The following CCNJ variants were observed in gnomAD, a reference collection of about 807,000 sequenced individuals.
The protein encoded by CCNJ is cyclin J.
A neutral mutation model predicts 41.4 loss-of-function variants in CCNJ; 12 were observed. That is an observed-to-expected ratio of 0.29 (90% confidence interval 0.19 to 0.47). The LOEUF (loss-of-function observed/expected upper bound fraction) is 0.47, where lower values mean the gene tolerates loss of function less well. Ranked by LOEUF, CCNJ falls within the 20% of genes least tolerant of loss-of-function variation. The pLI is 1.00. For missense variants in CCNJ, 340 were observed against 464.6 expected (o/e 0.73, Z 2.47); for synonymous variants, 161 against 173.4 (o/e 0.93, Z 0.56).
At position 96,060,614 on chromosome 10, in the gene CCNJ, T is replaced by C. The variant is rs542312603; in HGVS notation, c.*2373T>C. On this transcript the variant is annotated 3_prime_UTR_variant, in exon 6 of 6. Transcript: ENST00000465148. ...TTGTTTTGTTTAATTTATTGATTAGTCTTTAAAGTAGGCTTTTTTTTTTTT... is the reference window on the plus strand; with the variant it reads ...TTGTTTTGTTTAATTTATTGATTAGCCTTTAAAGTAGGCTTTTTTTTTTTT... The C allele has an allele frequency of 6.9e-6, 1 of 144,882 alleles. No individual in the cohort carries two copies. The highest frequency in any genetic ancestry group is 2.3e-4 in the South Asian group (1 of 4,392). The allele number at this position is 144,882 out of a possible 1,614,324, so 9.0% of individuals were successfully genotyped here. A position where few individuals can be genotyped will look rare whatever the true frequency, so the allele number is the denominator to read the frequency against.
At chr10:96,045,520 T>C (rs2080338060) in intron 2 of CCNJ, among the ~76,000 whole-genome samples, 1 of 152,200 alleles carries the variant, frequency 6.6e-6, no homozygotes, top group Non-Finnish European at 1.5e-5. Flanking sequence ...TAAATGCTAC[T>C]TAACTAATTC....
At chr10:96,046,055 T>C (rs2080354356) in intron 2 of CCNJ, among the ~76,000 whole-genome samples, 1 of 152,242 alleles carries the variant, frequency 6.6e-6, no homozygotes, top group African/African-American at 2.4e-5. Flanking sequence ...ATTTTGTCAA[T>C]TGAGTTTGGA....
intron 2 of CCNJ, among the ~76,000 whole-genome samples, chr10:96,050,041 T>G (rs921152444): frequency 6.6e-6 from 1 of 152,204 alleles, no homozygotes; most frequent in Non-Finnish European, 1.5e-5. Flanking sequence ...CTATAATTGT[T>G]CACATCAGAA....
At chr10:96,045,229 T>C (rs137918965) in intron 2 of CCNJ, among the ~76,000 whole-genome samples, 28 of 152,354 alleles carry the variant, frequency 1.8e-4, no homozygotes, top group Non-Finnish European at 3.8e-4. Flanking sequence ...CAAGGCAGAT[T>C]AATGAGACAT....
chr10:96,047,975 CCCG>C (rs1387785505), intron 2 of CCNJ, among the ~76,000 whole-genome samples: 1 of 146,852 alleles, frequency 6.8e-6, no homozygotes, highest in Non-Finnish European at 1.5e-5. Context: ...TGTGTTGTTC[CCCG>C]CAACATGTGT....
At chr10:96,044,489 T>C in intron 2 of CCNJ, 27 bp downstream of exon 2, 1 of 1,455,506 alleles carries the variant, frequency 6.9e-7, no homozygotes, top group Non-Finnish European at 9.2e-7. Context: ...GCCTGCCTTC[T>C]CCTTCTGTGT....
chr10:96,050,144 T>G, intron 2 of CCNJ, 112 bp from the exon 3 acceptor site: 1 of 756,852 alleles, frequency 1.3e-6, no homozygotes. Context: ...TCAAGAAAAG[T>G]ATGTTTTAGG....
chr10:96,058,247 T>G lies in CCNJ; in HGVS notation c.*6T>G. The G allele has an allele frequency of 6.2e-7, 1 of 1,606,540 alleles. No individual in the cohort carries two copies. Among genetic ancestry groups the G allele is most frequent in the Non-Finnish European group, 8.5e-7 (1 of 1,174,778 alleles). On this transcript the variant is annotated 3_prime_UTR_variant, in exon 6 of 6. Transcript: ENST00000465148. ...CTCCATGTTTTGAAAGGTGATTATT[T>G]GTGAAGCTGATAACCGACCCAGACT...
At chr10:96,046,536 A>ATTC (rs1409775092) in intron 2 of CCNJ, among the ~76,000 whole-genome samples, 1 of 152,226 alleles carries the variant, frequency 6.6e-6, no homozygotes, top group Non-Finnish European at 1.5e-5. Flanking sequence ...GCCAGGTGTT[A>ATTC]GAGCAATAAC....
chr10:96,051,701 T>C (rs1471416491), intron 3 of CCNJ, among the ~76,000 whole-genome samples: 1 of 152,202 alleles, frequency 6.6e-6, no homozygotes, highest in African/African-American at 2.4e-5. Context: ...TGCTTATAAA[T>C]CTAAAACCAA....
Position 96,058,074 on chromosome 10 carries a change from C to A in CCNJ, c.985C>A (p.Pro329Thr). Residue 329 changes from proline (P) to threonine (T), a missense_variant, in exon 6 of 6, where the codon CCT becomes ACT. By Grantham distance (38) the Pro-to-Thr change is conservative. Coordinates refer to ENST00000465148, the MANE Select transcript of CCNJ (RefSeq NM_001134375.2). ...HTSSYTLQTC[P>T]AGFQTSVQGL... is the part of the protein sequence containing the mutation. ...CTCATCTTACACACTACAGACATGTCCTGCTGGCTTCCAAACTAGTGTTCA... is the reference window on the plus strand; with the variant it reads ...CTCATCTTACACACTACAGACATGTACTGCTGGCTTCCAAACTAGTGTTCA... 2 of 1,614,220 alleles carry A rather than the reference C, an allele frequency of 1.2e-6. No individual in the cohort carries two copies. The highest frequency in any genetic ancestry group is 1.7e-6 in the Non-Finnish European group (2 of 1,180,046).
chr10:96,050,201 T>G (rs2080484493), intron 2 of CCNJ, 55 bp from the exon 3 acceptor site: 1 of 1,148,208 alleles, frequency 8.7e-7, no homozygotes, highest in East Asian at 2.3e-5. Flanking sequence ...AGTCATTGCC[T>G]TGTGGGGATA....
intron 2 of CCNJ, among the ~76,000 whole-genome samples, chr10:96,046,094 T>G (rs908720832): frequency 2.0e-5 from 3 of 152,198 alleles, no homozygotes; most frequent in African/African-American, 7.2e-5. Context: ...TTGTTTTTTC[T>G]CCTAGATTTA....
At chr10:96,050,550 C>T (rs957216048) in intron 3 of CCNJ, 84 bp downstream of exon 3, 19 of 953,324 alleles carry the variant, frequency 2.0e-5, no homozygotes, top group Non-Finnish European at 2.9e-5. Flanking sequence ...AGTGAAATAT[C>T]ATCAAATCCC....
chr10:96,054,981 TC>T (rs1398081821), intron 3 of CCNJ, among the ~76,000 whole-genome samples: 1 of 152,174 alleles, frequency 6.6e-6, no homozygotes, highest in African/African-American at 2.4e-5. Flanking sequence ...TGAACTAAAT[TC>T]CTAGGTCATT....
At chr10:96,044,274 G>C (rs750040250) in intron 1 of CCNJ, 79 bp from the exon 2 acceptor site, 1 of 697,548 alleles carries the variant, frequency 1.4e-6, no homozygotes, top group Non-Finnish European at 2.1e-6. Context: ...CGGGTGGCCT[G>C]AGGTCACACC....
chr10:96,059,563 A>G lies in CCNJ; in HGVS notation c.*1322A>G, dbSNP rs1228375892. On this transcript the variant is annotated 3_prime_UTR_variant, in exon 6 of 6. Transcript: ENST00000465148. ...TTAAAAAGTCATTGTAATAACTGAT[A>G]AACTGTATACATTGTGCTCCTTTCT... 1.3e-5 allele frequency: 2 copies of G among 149,286 alleles called. No individual in the cohort carries two copies. Among genetic ancestry groups the G allele is most frequent in the East Asian group, 4.1e-4 (2 of 4,902 alleles). 9.2% of individuals were successfully genotyped at this position (149,286 alleles called of 1,614,324 possible).
chr10:96,057,778 G>C (rs2080733763), intron 5 of CCNJ, 52 bp from the exon 6 acceptor site: 2 of 1,547,754 alleles, frequency 1.3e-6, no homozygotes, highest in Non-Finnish European at 1.8e-6. Flanking sequence ...TTTTCTTGCA[G>C]ATTTCTTCTC....
intron 3 of CCNJ, among the ~76,000 whole-genome samples, chr10:96,055,690 G>T (rs1038032384): frequency 2.0e-5 from 3 of 152,198 alleles, no homozygotes; most frequent in African/African-American, 7.2e-5. Context: ...GGTATTTCCA[G>T]AAAAGAAATT....
Sources: gnomAD v4.1 joint callset for allele counts (sites outside exome capture counted in the v4.1 genomes callset) on GRCh38, gnomAD v4.1.1 for gene constraint, MANE v1.5 for transcripts, NCBI Gene and HGNC (gene_info 2026-07-23, HGNC 2026-07-21) for gene names.